The following PHTF2 variants were observed in gnomAD, a reference collection of about 807,000 sequenced individuals.
The protein encoded by PHTF2 is putative homeodomain transcription factor 2.
In PHTF2, 60 loss-of-function variants were observed where a neutral mutation model predicts 101.2. The observed-to-expected ratio is 0.59, with a 90% confidence interval of 0.48 to 0.73. PHTF2 has a LOEUF of 0.73. PHTF2 is among the 30% of genes least tolerant of loss of function. PHTF2 has a pLI of 0.00. For missense variants in PHTF2, 747 were observed against 908.7 expected, an observed-to-expected ratio of 0.82 and a Z score of 2.29; for synonymous variants, 311 against 307.3, an observed-to-expected ratio of 1.01 and a Z score of -0.13.
chr7:77,831,703 A>G (rs1795089464), intron 1 of PHTF2, among the ~76,000 whole-genome samples: 1 of 152,230 alleles, frequency 6.6e-6, no homozygotes, highest in African/African-American at 2.4e-5. Context: ...TGGTATATGC[A>G]TGAACAGAGC....
chr7:77,935,813 G>A (rs1382899478), intron 12 of PHTF2, among the ~76,000 whole-genome samples: 4 of 152,166 alleles, frequency 2.6e-5, no homozygotes, highest in Non-Finnish European at 4.4e-5. Context: ...GTTGAAATCT[G>A]TTGGCTCTCA....
chr7:77,861,751 C>T (rs967087944), intron 3 of PHTF2, among the ~76,000 whole-genome samples: 1 of 152,196 alleles, frequency 6.6e-6, no homozygotes, highest in South Asian at 2.1e-4. Context: ...GGTGAAACCT[C>T]GTCTCTACTA....
chr7:77,814,972 G>A (rs1793743421), intron 1 of PHTF2, among the ~76,000 whole-genome samples: 1 of 152,020 alleles, frequency 6.6e-6, no homozygotes, highest in South Asian at 2.1e-4. Flanking sequence ...AGCTGCTCAG[G>A]AGGCTGAGAC....
intron 3 of PHTF2, among the ~76,000 whole-genome samples, chr7:77,876,328 A>G (rs1798941073): frequency 6.6e-6 from 1 of 152,196 alleles, no homozygotes; most frequent in South Asian, 2.1e-4. Context: ...TTTTTAGTCT[A>G]TTAGAAGTCT....
intron 3 of PHTF2, among the ~76,000 whole-genome samples, chr7:77,876,090 C>T (rs1264448401): frequency 1.3e-5 from 2 of 152,144 alleles, no homozygotes; most frequent in Non-Finnish European, 2.9e-5. Context: ...ATAGTATCTG[C>T]ACTCTTTACT....
At chr7:77,879,951 G>T (rs1338294038) in intron 3 of PHTF2, among the ~76,000 whole-genome samples, 2 of 152,136 alleles carry the variant, frequency 1.3e-5, no homozygotes, top group East Asian at 3.9e-4. Flanking sequence ...TTTTCCTCTT[G>T]ATTTGTAAAA....
intron 5 of PHTF2, among the ~76,000 whole-genome samples, chr7:77,897,981 C>T (rs1801027591): frequency 6.7e-6 from 1 of 148,256 alleles, no homozygotes; most frequent in Non-Finnish European, 1.5e-5. Flanking sequence ...CTTACCTGGC[C>T]TTCTGTTTTT....
chr7:77,822,247 T>C (rs1794350355), intron 1 of PHTF2, among the ~76,000 whole-genome samples: 1 of 151,668 alleles, frequency 6.6e-6, no homozygotes, highest in South Asian at 2.1e-4. Context: ...AGGACTGGAG[T>C]CACAGCCGAT....
chr7:77,889,594 CTTT>C (rs779369229), intron 3 of PHTF2, among the ~76,000 whole-genome samples: 1 of 126,614 alleles, frequency 7.9e-6, no homozygotes, highest in Admixed American at 7.9e-5. Context: ...TTTTTTTTTC[CTTT>C]TTTTTTTTTT....
chr7:77,824,542 C>T (rs575300901), intron 1 of PHTF2, among the ~76,000 whole-genome samples: 2 of 152,272 alleles, frequency 1.3e-5, no homozygotes, highest in Admixed American at 1.3e-4. Context: ...TCTCCTGCCT[C>T]AGCCTCCTGA....
chr7:77,892,668 G>A (rs1800539156), intron 3 of PHTF2, among the ~76,000 whole-genome samples: 1 of 152,162 alleles, frequency 6.6e-6, no homozygotes, highest in Non-Finnish European at 1.5e-5. Flanking sequence ...TGGATATGGG[G>A]AATTAAGTGG....
At chr7:77,872,995 T>G (rs1798642592) in intron 3 of PHTF2, among the ~76,000 whole-genome samples, 1 of 152,022 alleles carries the variant, frequency 6.6e-6, no homozygotes, top group African/African-American at 2.4e-5. Context: ...AGTGGCACGA[T>G]CTCAGCTCAC....
At chr7:77,873,049 C>T (rs1798648101) in intron 3 of PHTF2, among the ~76,000 whole-genome samples, 1 of 152,110 alleles carries the variant, frequency 6.6e-6, no homozygotes, top group Non-Finnish European at 1.5e-5. Flanking sequence ...CCTGCCTCAG[C>T]CTCCAAGTAG....
At chr7:77,803,299 A>G (rs1236665958) in intron 1 of PHTF2, among the ~76,000 whole-genome samples, 1 of 152,222 alleles carries the variant, frequency 6.6e-6, no homozygotes, top group African/African-American at 2.4e-5. Context: ...AAACAGTACA[A>G]GAAAGGGGCT....
intron 15 of PHTF2, among the ~76,000 whole-genome samples, chr7:77,941,816 T>C (rs1805662297): frequency 6.6e-6 from 1 of 152,224 alleles, no homozygotes; most frequent in African/African-American, 2.4e-5. Flanking sequence ...CTTTCTTCAG[T>C]CTGCCACCAG....
At chr7:77,851,691 C>A (rs901647239) in intron 2 of PHTF2, among the ~76,000 whole-genome samples, 1 of 151,300 alleles carries the variant, frequency 6.6e-6, no homozygotes, top group Non-Finnish European at 1.5e-5. Context: ...CCTTGGCCTC[C>A]CAAAGTGCTG....
At chr7:77,819,002 G>T (rs977630738) in intron 1 of PHTF2, among the ~76,000 whole-genome samples, 7 of 152,060 alleles carry the variant, frequency 4.6e-5, no homozygotes, top group Non-Finnish European at 2.9e-5. Flanking sequence ...TGTTGCTGTA[G>T]TAAATAAGAT....
chr7:77,935,376 C>T (rs963888623), intron 12 of PHTF2, among the ~76,000 whole-genome samples: 1 of 152,070 alleles, frequency 6.6e-6, no homozygotes, highest in Non-Finnish European at 1.5e-5. Context: ...GCACCAGCCA[C>T]CATGCCTGGC....
chr7:77,903,867 C>T (rs1801617030), intron 7 of PHTF2, among the ~76,000 whole-genome samples: 2 of 152,188 alleles, frequency 1.3e-5, no homozygotes, highest in African/African-American at 2.4e-5. Context: ...TTCTTGTTCG[C>T]ACTTCTTGAA....
Sources: allele counts gnomAD v4.1 joint callset (sites outside exome capture counted in the v4.1 genomes callset), GRCh38; gene constraint gnomAD v4.1.1; transcripts MANE v1.5; gene names NCBI Gene and HGNC (gene_info 2026-07-23, HGNC 2026-07-21).